The following ASZ1 variants were observed in gnomAD, a reference collection of about 807,000 sequenced individuals.
ASZ1 encodes the protein ankyrin repeat, SAM and basic leucine zipper domain containing 1.
In ASZ1, 67 loss-of-function variants were observed where a neutral mutation model predicts 61.8. The ratio of observed to expected loss-of-function variants is 1.08; its 90% confidence interval spans 0.89 to 1.33. ASZ1 has a LOEUF of 1.33. Among genes scored for constraint, ASZ1 ranks in the 40% most tolerant of loss-of-function variants. The pLI, the probability that ASZ1 is intolerant of heterozygous loss-of-function variation, is 0.00. For missense variants in ASZ1, 577 were observed against 554.5 expected, an observed-to-expected ratio of 1.04 and a Z score of -0.41; for synonymous variants, 193 against 192.7, an observed-to-expected ratio of 1.00 and a Z score of -0.01.
intron 10 of ASZ1, among the ~76,000 whole-genome samples, chr7:117,370,909 TC>T (rs1796039243): frequency 6.6e-6 from 1 of 151,328 alleles, no homozygotes; most frequent in South Asian, 2.1e-4. Flanking sequence ...CACTGTAACC[TC>T]TGCTCCTGGG....
Position 117,367,357 on chromosome 7 carries a change from G to T in ASZ1, c.1270C>A (p.Gln424Lys). 1 of 1,522,748 alleles carries T rather than the reference G, an allele frequency of 6.6e-7. No individual in the cohort carries two copies. Among genetic ancestry groups the T allele is most frequent in the South Asian group, 1.3e-5 (1 of 74,664 alleles). The allele number at this position is 1,522,748 out of a possible 1,614,324, so 94.3% of individuals were successfully genotyped here. Residue 424 changes from glutamine to lysine, a missense_variant, in exon 12 of 13, where the codon CAA becomes AAA. Transcript: ENST00000284629. ...EKVCKLKDLI[Q>K]KLQNERENDP... ...TTTTAATGTTAAATATATACCTTTT[G>T]AATTAGGTCTTTTAGTTTGCAGACC...
At chr7:117,393,561 G>T (rs1465313895) in intron 4 of ASZ1, among the ~76,000 whole-genome samples, 3 of 151,830 alleles carry the variant, frequency 2.0e-5, no homozygotes, top group African/African-American at 7.3e-5. Flanking sequence ...ATAAATATTT[G>T]CTGAATAAAT....
rs919574624 is a variant in ASZ1 at position 117,384,112 on chromosome 7, T to C, written c.687+614A>G. On this transcript the variant is annotated intron_variant, in intron 6 of 12. Transcript: ENST00000284629. ...ACAACTTAGTTTTATAATTGTACTA[T>C]ACTTGATCCTTGCTTAGAAGTTACA... 2.6e-5 allele frequency among the ~76,000 whole-genome samples: 4 copies of C among 152,254 alleles called. No homozygotes were observed. In the East Asian group the frequency reaches 7.7e-4, roughly 29 times the overall value.
intron 10 of ASZ1, among the ~76,000 whole-genome samples, chr7:117,369,446 A>C (rs1042715725): frequency 6.6e-6 from 1 of 152,234 alleles, no homozygotes; most frequent in Non-Finnish European, 1.5e-5. Flanking sequence ...TTTCAACAGG[A>C]AATTTGAAAA....
intron 4 of ASZ1, among the ~76,000 whole-genome samples, chr7:117,407,679 T>G (rs1438178188): frequency 6.6e-6 from 1 of 152,214 alleles, no homozygotes; most frequent in Non-Finnish European, 1.5e-5. Context: ...TTGTACTATA[T>G]TCACCCTTTT....
intron 4 of ASZ1, among the ~76,000 whole-genome samples, chr7:117,404,765 C>A (rs2116508077): frequency 6.6e-6 from 1 of 152,200 alleles, no homozygotes; most frequent in South Asian, 2.1e-4. Flanking sequence ...GGCCAGGCCC[C>A]CTTGAAGCCC....
intron 4 of ASZ1, among the ~76,000 whole-genome samples, chr7:117,399,825 A>G (rs907906498): frequency 6.6e-6 from 1 of 152,194 alleles, no homozygotes; most frequent in South Asian, 2.1e-4. Context: ...AAACCATTGA[A>G]TTCTACACTT....
intron 6 of ASZ1, among the ~76,000 whole-genome samples, chr7:117,384,238 C>T (rs1228170395): frequency 6.6e-6 from 1 of 152,018 alleles, no homozygotes; most frequent in African/African-American, 2.4e-5. Flanking sequence ...ATCTGAATGA[C>T]AGATTATACA....
intron 4 of ASZ1, among the ~76,000 whole-genome samples, chr7:117,398,530 C>T (rs1184553949): frequency 6.6e-6 from 1 of 152,210 alleles, no homozygotes; most frequent in African/African-American, 2.4e-5. Flanking sequence ...TCTATACATA[C>T]TGGCAGGTAT....
chr7:117,364,363 T>A (rs1248487970), intron 12 of ASZ1, among the ~76,000 whole-genome samples: 1 of 151,972 alleles, frequency 6.6e-6, no homozygotes, highest in Non-Finnish European at 1.5e-5. Context: ...CTACTGTGTG[T>A]GTGTGCCCAC....
Position 117,405,560 on chromosome 7 carries a change from T to A in ASZ1, c.440+14603A>T, listed in dbSNP as rs1162964583. Among the ~76,000 whole-genome samples, 4 of 152,220 alleles carry A rather than the reference T, an allele frequency of 2.6e-5. No individual in the cohort carries two copies. The East Asian group carries it at 5.8e-4, about 22-fold the overall frequency. Reference sequence around the variant, plus strand: ...CCCCATACTCATGCAGTGGGCCTCATCCATCAAGGATAGCAGTCATTGGGC... The same window carrying A: ...CCCCATACTCATGCAGTGGGCCTCAACCATCAAGGATAGCAGTCATTGGGC... On this transcript the variant is annotated intron_variant, in intron 4 of 12. Coordinates refer to ENST00000284629, the MANE Select transcript of ASZ1 (RefSeq NM_130768.3).
At chr7:117,383,296 T>C (rs948162725) in intron 6 of ASZ1, among the ~76,000 whole-genome samples, 186 bp from the exon 7 acceptor site, 2 of 152,048 alleles carry the variant, frequency 1.3e-5, no homozygotes, top group Non-Finnish European at 2.9e-5. Context: ...CAGTTGTATA[T>C]ATTTTGGGGG....
In ASZ1 at chr7:117,385,702, T is replaced by C; in HGVS notation, c.548A>G (p.Tyr183Cys). 1.3e-6 allele frequency: 2 copies of C among 1,595,888 alleles called. No individual in the cohort carries two copies. Among genetic ancestry groups the C allele is most frequent in the Non-Finnish European group, 1.7e-6 (2 of 1,163,836 alleles). Reference protein sequence around the residue: ...AEVNTQDENGYTALTWAARQG... With the variant: ...AEVNTQDENGCTALTWAARQG... ...CATTGTAAAAATGTTTCTCACAGTGTAACCATTCTCATCCTGGGTATTAAC... is the reference window on the plus strand; with the variant it reads ...CATTGTAAAAATGTTTCTCACAGTGCAACCATTCTCATCCTGGGTATTAAC... The change falls in exon 5 of 13, where the codon TAC becomes TGC. Residue 183 changes from tyrosine to cysteine, a missense_variant. Tyr to Cys is a radical substitution (Grantham distance 194). Coordinates refer to ENST00000284629, the MANE Select transcript of ASZ1 (RefSeq NM_130768.3).
intron 12 of ASZ1, among the ~76,000 whole-genome samples, chr7:117,364,472 C>CT (rs1795896289): frequency 1.3e-5 from 2 of 151,060 alleles, no homozygotes; most frequent in African/African-American, 4.9e-5. Context: ...AGAGAAAAGA[C>CT]TTAAAGAGGG....
At chr7:117,369,577 C>T (rs1796010555) in intron 10 of ASZ1, among the ~76,000 whole-genome samples, 1 of 152,136 alleles carries the variant, frequency 6.6e-6, no homozygotes, top group Non-Finnish European at 1.5e-5. Flanking sequence ...TGAAGGAAAA[C>T]TTAAACTAAG....
chr7:117,427,364 T>G lies in ASZ1; in HGVS notation c.97A>C (p.Thr33Pro). The G allele has an allele frequency of 6.2e-7, 1 of 1,614,144 alleles. No homozygotes were observed. The highest frequency in any genetic ancestry group is 8.5e-7 in the Non-Finnish European group (1 of 1,179,992). The change falls in exon 1 of 13, where the codon ACG becomes CCG. Residue 33 changes from threonine to proline, a missense_variant. By Grantham distance (38) the Thr-to-Pro change is conservative (BLOSUM62 -1). Transcript: ENST00000284629. ...AAGGCCTCCTCCGCTACCTGAGACGTCCGGTCGAGATACCCAATCTCCCAG... is the reference window on the plus strand; with the variant it reads ...AAGGCCTCCTCCGCTACCTGAGACGGCCGGTCGAGATACCCAATCTCCCAG... The part of the protein sequence containing the change: ...DGWEIGYLDR[T>P]SQKLKRLLPI...
chr7:117,414,417 T>A (rs1226917642), intron 4 of ASZ1, among the ~76,000 whole-genome samples: 4 of 152,194 alleles, frequency 2.6e-5, no homozygotes, highest in African/African-American at 9.7e-5. Flanking sequence ...CAGATGAGAA[T>A]TACTCCTTTA....
At chr7:117,424,167 A>G (rs1026440023) in intron 2 of ASZ1, among the ~76,000 whole-genome samples, 2 of 152,200 alleles carry the variant, frequency 1.3e-5, no homozygotes, top group Non-Finnish European at 2.9e-5. Context: ...TGAATGTCTA[A>G]AATATGTCAT....
intron 4 of ASZ1, among the ~76,000 whole-genome samples, chr7:117,397,969 G>T (rs1460867225): frequency 6.6e-6 from 1 of 152,206 alleles, no homozygotes; most frequent in African/African-American, 2.4e-5. Context: ...CCACATAGTG[G>T]GTAGCCAATA....
Sources: gnomAD v4.1 joint callset for allele counts (sites outside exome capture counted in the v4.1 genomes callset) on GRCh38, gnomAD v4.1.1 for gene constraint, MANE v1.5 for transcripts, NCBI Gene and HGNC (gene_info 2026-07-23, HGNC 2026-07-21) for gene names.